Variants in WNT2B observed in about 807,000 individuals in gnomAD.
WNT2B encodes the protein Wnt family member 2B.
In WNT2B, 19 loss-of-function variants were observed where a neutral mutation model predicts 40.5. That is an observed-to-expected ratio of 0.47 (90% CI 0.33 to 0.69). WNT2B has a LOEUF of 0.69. Among genes scored for constraint, WNT2B ranks in the 30% least tolerant of loss-of-function variants. WNT2B has a pLI of 0.02. For missense variants in WNT2B, 467 were observed against 556.4 expected, an observed-to-expected ratio of 0.84 and a Z score of 1.62; for synonymous variants, 220 against 211.9, an observed-to-expected ratio of 1.04 and a Z score of -0.33.
intron 4 of WNT2B, among the ~76,000 whole-genome samples, chr1:112,519,326 AT>A (rs1289545194): frequency 6.6e-6 from 1 of 152,212 alleles, no homozygotes; most frequent in East Asian, 1.9e-4. Context: ...AAGTTCTAGC[AT>A]TTTCCTCCCG....
chr1:112,529,063 C>G lies in WNT2B; in HGVS notation c.*8554C>G, dbSNP rs1180663878. On this transcript the variant is annotated 3_prime_UTR_variant, in exon 5 of 5. Transcript: ENST00000369684. ...TTCCCTAACTTCTGAGGATAAAAAC[C>G]ATAAGGGCAATCTTATTCTTCCAAA... is the stretch of plus-strand genomic sequence containing the variant. 1 of 152,120 alleles carries G rather than the reference C, an allele frequency of 6.6e-6. No homozygotes were observed. The highest frequency in any genetic ancestry group is 1.9e-4 in the East Asian group (1 of 5,192). 9.4% of individuals were successfully genotyped at this position (152,120 alleles called of 1,614,324 possible). A position where few individuals can be genotyped will look rare whatever the true frequency, so the allele number is the denominator to read the frequency against.
intron 1 of WNT2B, among the ~76,000 whole-genome samples, chr1:112,492,636 G>A (rs903825627): frequency 6.6e-6 from 1 of 152,136 alleles, no homozygotes; most frequent in Non-Finnish European, 1.5e-5. Context: ...AACAAGTCCT[G>A]TTCTCTCAAG....
chr1:112,502,870 A>G lies in WNT2B; in HGVS notation c.-94-12004A>G, dbSNP rs534938710. On this transcript the variant is annotated intron_variant, in intron 1 of 4. Transcript: ENST00000256640. ...GAAAACCTGACTTGGCTCAAGTCTG[A>G]TGATGTTTCTTACACAGTGAGGGCT... Among the ~76,000 whole-genome samples the G allele has an allele frequency of 6.8e-4, 104 of 152,256 alleles. 1 individual carries two copies. Among genetic ancestry groups the G allele is most frequent in the Non-Finnish European group, 8.2e-4 (56 of 68,024 alleles).
At chr1:112,479,108 C>T (rs550680733) in intron 1 of WNT2B, among the ~76,000 whole-genome samples, 1 of 150,418 alleles carries the variant, frequency 6.6e-6, no homozygotes, top group Non-Finnish European at 1.5e-5. Flanking sequence ...GTAATCCCAG[C>T]TACTCAGGAG....
chr1:112,476,752 C>T (rs963593550), intron 1 of WNT2B, among the ~76,000 whole-genome samples: 19 of 152,220 alleles, frequency 1.2e-4, no homozygotes, highest in Non-Finnish European at 2.4e-4. Flanking sequence ...ATGATCTCAA[C>T]TGACAGAGCT....
upstream of WNT2B, among the ~76,000 whole-genome samples, chr1:112,505,000 G>A (rs771881656): frequency 2.1e-4 from 32 of 152,222 alleles, no homozygotes; most frequent in Non-Finnish European, 3.8e-4. Flanking sequence ...ATTCAGCCAC[G>A]CATAGCTGAG....
chr1:112,470,624 T>C (rs1557904916), intron 1 of WNT2B, among the ~76,000 whole-genome samples: 1 of 151,938 alleles, frequency 6.6e-6, no homozygotes, highest in East Asian at 1.9e-4. Context: ...GCTGCTATGG[T>C]GTACAAATGG....
exon 1 of WNT2B, chr1:112,467,444 G>T: frequency 5.6e-6 from 4 of 720,458 alleles, no homozygotes; most frequent in Non-Finnish European, 1.0e-5. Flanking sequence ...AAGCAATGTG[G>T]TTGTAAAATT....
chr1:112,516,074 T>C, intron 2 of WNT2B, 66 bp from the exon 3 acceptor site: 1 of 1,546,556 alleles, frequency 6.5e-7, no homozygotes, highest in Non-Finnish European at 8.8e-7. Context: ...AGAGGTTGTA[T>C]GGGCTGAAGA....
chr1:112,490,931 C>G (rs1183612687), intron 1 of WNT2B: 2 of 1,413,094 alleles, frequency 1.4e-6, no homozygotes, highest in African/African-American at 1.4e-5. Context: ...CTAAATAAAT[C>G]TACAAATCAC....
At chr1:112,486,037 G>A (rs1040900055) in intron 1 of WNT2B, among the ~76,000 whole-genome samples, 1 of 151,688 alleles carries the variant, frequency 6.6e-6, no homozygotes, top group African/African-American at 2.4e-5. Context: ...ATATATTGTT[G>A]GGTTTGATTT....
chr1:112,525,525 C>T lies in WNT2B; in HGVS notation c.*5016C>T, dbSNP rs1653258887. 2 of 151,030 alleles carry T rather than the reference C, an allele frequency of 1.3e-5. No homozygotes were observed. Among genetic ancestry groups the T allele is most frequent in the African/African-American group, 2.4e-5 (1 of 40,876 alleles). The allele number at this position is 151,030 out of a possible 1,614,324, so 9.4% of individuals were successfully genotyped here. A position where few individuals can be genotyped will look rare whatever the true frequency, so the allele number is the denominator to read the frequency against. On this transcript the variant is annotated 3_prime_UTR_variant, in exon 5 of 5. Coordinates refer to ENST00000369684, the MANE Select transcript of WNT2B (RefSeq NM_024494.3). ...ATATTATCTCTGAGCATCTCGGTGGCTATTCCTCATTTACTTAAGATGTTT... is the reference window on the plus strand; with the variant it reads ...ATATTATCTCTGAGCATCTCGGTGGTTATTCCTCATTTACTTAAGATGTTT...
chr1:112,475,777 A>G (rs1027164852), intron 1 of WNT2B, among the ~76,000 whole-genome samples: 2 of 152,182 alleles, frequency 1.3e-5, no homozygotes, highest in Admixed American at 1.3e-4. Context: ...CAAAGAACCT[A>G]TGGTAGAAAA....
chr1:112,468,742 C>T (rs1650782849), intron 1 of WNT2B, among the ~76,000 whole-genome samples: 1 of 152,036 alleles, frequency 6.6e-6, no homozygotes, highest in African/African-American at 2.4e-5. Flanking sequence ...TATTTTCTCC[C>T]ATTCAAGAGG....
intron 1 of WNT2B, among the ~76,000 whole-genome samples, chr1:112,510,742 G>A (rs1652321870): frequency 6.6e-6 from 1 of 151,846 alleles, no homozygotes; most frequent in Non-Finnish European, 1.5e-5. Flanking sequence ...AAGGCAAGGA[G>A]GGGGGGTTCT....
intron 1 of WNT2B, among the ~76,000 whole-genome samples, chr1:112,513,530 G>A (rs891038249): frequency 3.3e-5 from 5 of 150,800 alleles, no homozygotes; most frequent in African/African-American, 7.4e-5. Flanking sequence ...GGTGAGGGCC[G>A]GCTGTGGGAA....
At chr1:112,488,659 C>T (rs969326826) in intron 1 of WNT2B, among the ~76,000 whole-genome samples, 5 of 151,336 alleles carry the variant, frequency 3.3e-5, no homozygotes, top group Non-Finnish European at 7.4e-5. Context: ...TCACACCATT[C>T]TCCTGCCTCA....
Position 112,516,146 on chromosome 1 carries a change from G to A in WNT2B, c.410G>A (p.Arg137Gln), listed in dbSNP as rs775324743. 39 of 1,610,830 alleles carry A rather than the reference G, an allele frequency of 2.4e-5. No individual in the cohort carries two copies. The highest frequency in any genetic ancestry group is 2.9e-5 in the Non-Finnish European group (34 of 1,177,570). The change falls in exon 3 of 5, where the codon CGA becomes CAA. Residue 137 changes from arginine to glutamine, a missense_variant. This residue lies in a region of WNT2B where 330 missense variants were observed against 438.6 expected (regional missense o/e 0.75). Transcript: ENST00000369684. ...VFGRVMLRSS[R>Q]EAAFVYAISS... ...TCTACAATTCTCTCTCTAGGTAGCC[G>A]AGAGGCAGCTTTTGTATATGCCATC...
At chr1:112,489,205 C>T (rs1651517542) in intron 1 of WNT2B, among the ~76,000 whole-genome samples, 1 of 150,988 alleles carries the variant, frequency 6.6e-6, no homozygotes, top group African/African-American at 2.4e-5. Flanking sequence ...ATGAACTATG[C>T]ACATCTATAT....
Sources: allele counts gnomAD v4.1 joint callset (sites outside exome capture counted in the v4.1 genomes callset), GRCh38; gene constraint gnomAD v4.1.1; regional missense constraint gnomAD v4.1.1; transcripts MANE v1.5; gene names NCBI Gene and HGNC (gene_info 2026-07-23, HGNC 2026-07-21).